The following MX2 variants were observed in gnomAD, a reference collection of about 807,000 sequenced individuals.
MX2 encodes the protein MX dynamin like GTPase 2.
In MX2, 51 loss-of-function variants were observed where a neutral mutation model predicts 74.0. The observed-to-expected ratio is 0.69, with a 90% CI of 0.55 to 0.87. MX2 has a LOEUF of 0.87. Ranked by LOEUF, MX2 falls within the 40% of genes least tolerant of loss-of-function variation. MX2 has a pLI of 0.00. For missense variants in MX2, 832 were observed against 908.7 expected (o/e 0.92, Z 1.09); for synonymous variants, 369 against 339.3 (o/e 1.09, Z -0.96).
At chr21:41,386,243 A>C (rs994526732) in intron 5 of MX2, among the ~76,000 whole-genome samples, 5 of 151,004 alleles carry the variant, frequency 3.3e-5, no homozygotes, top group African/African-American at 7.3e-5. Context: ...AAAAAAAAAA[A>C]AAAAAACAAA....
intron 1 of MX2, chr21:41,370,596 T>A (rs371627143): frequency 9.2e-5 from 14 of 152,378 alleles, no homozygotes; most frequent in Admixed American, 3.3e-4. Flanking sequence ...TGTATAACAG[T>A]ATTTCATGAG....
At chr21:41,403,791 A>G in intron 12 of MX2, 1 of 391,706 alleles carries the variant, frequency 2.6e-6, no homozygotes, top group Non-Finnish European at 5.2e-6. Flanking sequence ...AAGAGAGGGC[A>G]TGTGGCACTT....
intron 12 of MX2, 123 bp downstream of exon 12, chr21:41,403,466 C>T (rs2089842744): frequency 2.2e-6 from 2 of 899,760 alleles, no homozygotes; most frequent in Admixed American, 1.8e-5. Context: ...GCTGGCGAGG[C>T]TGGCAGGGCT....
Position 41,366,145 on chromosome 21 carries a change from T to C in MX2, c.-72+4090T>C, listed in dbSNP as rs1181182426. The C allele has an allele frequency of 6.6e-6, 1 of 152,254 alleles. No homozygotes were observed. Among genetic ancestry groups the C allele is most frequent in the African/African-American group, 2.4e-5 (1 of 41,470 alleles). 9.4% of individuals were successfully genotyped at this position (152,254 alleles called of 1,614,324 possible). The stretch of plus-strand genomic sequence containing the variant: ...TAGGTAGGTCCAAACAACTCAGTAA[T>C]AGTAGGCTGGGTGGTGTCCAACAGC... On this transcript the variant is annotated intron_variant, in intron 1 of 13. Transcript: ENST00000330714. This position sits in a 1 kb window ranked among gnomAD's most constrained non-coding sequence, Gnocchi z 4.5.
At chr21:41,365,894 A>G (rs976494807) in intron 1 of MX2, 1 of 152,438 alleles carries the variant, frequency 6.6e-6, no homozygotes, top group African/African-American at 2.4e-5. Flanking sequence ...GACACGCAGA[A>G]GCCCACTCCT....
At chr21:41,407,867 G>C in intron 13 of MX2, 124 bp from the exon 14 acceptor site, 1 of 1,275,680 alleles carries the variant, frequency 7.8e-7, no homozygotes, top group East Asian at 2.3e-5. Context: ...AGTGGAGGTG[G>C]GCGAGACCAC....
chr21:41,401,111 C>G (rs1345713133), intron 10 of MX2: 2 of 152,232 alleles, frequency 1.3e-5, no homozygotes, highest in Non-Finnish European at 2.9e-5. Context: ...CACCAGGTTG[C>G]TCTCTTGACA....
At chr21:41,406,672 A>G (rs2089890206) in intron 12 of MX2, 72 bp from the exon 13 acceptor site, 2 of 1,462,614 alleles carry the variant, frequency 1.4e-6, no homozygotes, top group African/African-American at 2.8e-5. Flanking sequence ...ACATAATAGT[A>G]CTTCCAAATT....
Position 41,376,937 on chromosome 21 carries a change from C to A in MX2, c.31C>A (p.Arg11=). The change falls in exon 2 of 14, where the codon CGG becomes AGG. Residue 11 remains arginine, a synonymous_variant. Transcript: ENST00000330714. ...TAAGGCCCACAAGCCTTGGCCCTAC[C>A]GGAGGAGAAGTCAATTTTCTTCTCG... The part of the protein sequence containing the change: MSKAHKPWPY[R]RRSQFSSRKY... 6.2e-7 allele frequency: 1 copy of A among 1,613,906 alleles called. No individual in the cohort carries two copies. The highest frequency in any genetic ancestry group is 8.5e-7 in the Non-Finnish European group (1 of 1,180,016).
intron 1 of MX2, among the ~76,000 whole-genome samples, chr21:41,362,487 T>G (rs2838028): frequency 0.045 from 6,910 of 152,106 alleles, 390 homozygotes; most frequent in African/African-American, 0.14. Context: ...GTAACCTTAG[T>G]GACGGTGATA....
In MX2 at chr21:41,380,070, G is replaced by A. The variant is rs755581739; in HGVS notation, c.496G>A (p.Ala166Thr). The change falls in exon 4 of 14, where the codon GCA (alanine) becomes ACA (threonine). Residue 166 changes from alanine to threonine, a missense_variant. By Grantham distance (58) the Ala-to-Thr change is moderately conservative (BLOSUM62 0). Transcript: ENST00000330714. The surrounding 1 kb of genome is among the most constrained non-coding windows in gnomAD (Gnocchi z 4.3). ...GAAACTGAAAAAGCAGCCCTGTGAG[G>A]CATGGGCCGGAAGGATCAGCTACCG... ...VLKLKKQPCE[A>T]WAGRISYRNT... 1.2e-6 allele frequency: 2 copies of A among 1,614,048 alleles called. No individual in the cohort carries two copies. The highest frequency in any genetic ancestry group is 3.3e-5 in the Admixed American group (2 of 60,006).
intron 12 of MX2, among the ~76,000 whole-genome samples, chr21:41,405,153 T>C (rs1452562165): frequency 3.3e-5 from 5 of 150,800 alleles, no homozygotes; most frequent in African/African-American, 1.2e-4. Flanking sequence ...CTACTAAAAA[T>C]ACAAAAATTA....
intron 1 of MX2, among the ~76,000 whole-genome samples, chr21:41,373,313 AG>A (rs946442964): frequency 6.4e-4 from 97 of 152,284 alleles, no homozygotes; most frequent in Admixed American, 6.1e-3. Context: ...GGGTGTGGCA[AG>A]GGGGGTGTCT....
intron 11 of MX2, 155 bp from the exon 12 acceptor site, chr21:41,403,112 C>T: frequency 1.6e-6 from 1 of 610,350 alleles, no homozygotes; most frequent in South Asian, 1.9e-5. Flanking sequence ...ATGTCCCACC[C>T]TCTCCTATCG....
chr21:41,376,732 A>AG, intron 1 of MX2, 104 bp from the exon 2 acceptor site: 1 of 788,386 alleles, frequency 1.3e-6, no homozygotes, highest in Non-Finnish European at 2.0e-6. Flanking sequence ...ATCTGTGTGT[A>AG]GGGGGTAGGT....
Position 41,406,957 on chromosome 21 carries a change from T to C in MX2, c.1864T>C (p.Ser622Pro). 1 of 1,613,736 alleles carries C rather than the reference T, an allele frequency of 6.2e-7. No homozygotes were observed. The highest frequency in any genetic ancestry group is 2.2e-5 in the East Asian group (1 of 44,858). ...HFPSNESSVS[S>P]FTEIGIHLNA... ...TCCCAGTAATGAGTCTTCGGTTTCC[T>C]CCTTTACTGAAATAGGCATCCACCT... Residue 622 changes from serine (S) to proline (P), a missense_variant, in exon 13 of 14, where the codon TCC becomes CCC. Physicochemically the swap from Ser to Pro is moderately conservative, Grantham distance 74. Coordinates refer to ENST00000330714, the MANE Select transcript of MX2 (RefSeq NM_002463.2).
intron 12 of MX2, among the ~76,000 whole-genome samples, chr21:41,406,081 C>G (rs2089882114): frequency 6.7e-6 from 1 of 149,972 alleles, no homozygotes; most frequent in Non-Finnish European, 1.5e-5. Flanking sequence ...CTCTGCCTCC[C>G]AGGTTCAAGC....
intron 5 of MX2, among the ~76,000 whole-genome samples, chr21:41,383,967 C>T (rs2089533419): frequency 6.6e-6 from 1 of 152,070 alleles, no homozygotes; most frequent in Non-Finnish European, 1.5e-5. Flanking sequence ...AATTGTAATC[C>T]CCACGTGTCA....
chr21:41,380,151 G>T lies in MX2; in HGVS notation c.577G>T (p.Ala193Ser). The change falls in exon 4 of 14, where the codon GCC (alanine) becomes TCC (serine). Residue 193 changes from alanine to serine, a missense_variant and splice_region_variant. Ala to Ser is a moderately conservative substitution (Grantham distance 99). Coordinates refer to ENST00000330714, the MANE Select transcript of MX2 (RefSeq NM_002463.2). The surrounding 1 kb of genome is among the most constrained non-coding windows in gnomAD (Gnocchi z 4.3). The stretch of plus-strand genomic sequence containing the variant: ...CCAGGTGGAGAAAGAGATACACAAA[G>T]GTGGGCCCACGTCATTCTGAGGTTC... ...PGQVEKEIHK[A>S]QNVMAGNGRG... 6.2e-7 allele frequency: 1 copy of T among 1,613,756 alleles called. No homozygotes were observed.
Sources: gnomAD v4.1 joint callset for allele counts (sites outside exome capture counted in the v4.1 genomes callset) on GRCh38, gnomAD v4.1.1 for gene constraint, Gnocchi (gnomAD v3.1) non-coding constraint, MANE v1.5 for transcripts, NCBI Gene and HGNC (gene_info 2026-07-23, HGNC 2026-07-21) for gene names.